CCDC88A: variants seen among roughly 807,000 people sequenced by gnomAD.
CCDC88A encodes the protein girdin.
A neutral mutation model predicts 234.3 loss-of-function variants in CCDC88A; 54 were observed. The ratio of observed to expected loss-of-function variants is 0.23; its 90% CI spans 0.19 to 0.29. The LOEUF is 0.29. Ranked by LOEUF, CCDC88A falls within the 10% of genes least tolerant of loss-of-function variation. CCDC88A has a pLI of 1.00. For synonymous variants in CCDC88A, 753 were observed against 737.8 expected, an observed-to-expected ratio of 1.02 and a Z score of -0.33; for missense variants, 1,832 against 2,123.4, an observed-to-expected ratio of 0.86 and a Z score of 2.70.
rs1252228793 is a variant in CCDC88A at position 55,419,357 on chromosome 2, G to A, written c.-278C>T. The A allele has an allele frequency of 4.8e-6, 2 of 414,894 alleles. No individual in the cohort carries two copies. Among genetic ancestry groups the A allele is most frequent in the South Asian group, 2.7e-5 (1 of 36,648 alleles). The allele number at this position is 414,894 out of a possible 1,614,324, so 25.7% of individuals were successfully genotyped here. On this transcript the variant is annotated 5_prime_UTR_variant, in exon 1 of 33. Transcript: ENST00000436346. ...AGGAGGGGCAGAGAAAAGGCATCTG[G>A]AGGAGGAGGAAGGGAAAGGGGGCTG...
intron 8 of CCDC88A, among the ~76,000 whole-genome samples, chr2:55,352,040 A>C (rs752278741): frequency 2.6e-5 from 4 of 152,190 alleles, no homozygotes; most frequent in Non-Finnish European, 5.9e-5. Flanking sequence ...TGGAAACAGA[A>C]AGCAGACTAG....
At chr2:55,407,649 A>G (rs1190626253) in intron 2 of CCDC88A, among the ~76,000 whole-genome samples, 1 of 151,838 alleles carries the variant, frequency 6.6e-6, no homozygotes, top group Non-Finnish European at 1.5e-5. Context: ...TGTTATAAAC[A>G]ATTACCTTTT....
intron 12 of CCDC88A, chr2:55,339,871 A>G (rs1668266356): frequency 2.6e-6 from 1 of 378,622 alleles, no homozygotes; most frequent in African/African-American, 2.1e-5. Flanking sequence ...TCTCTCTGTC[A>G]CCCAGGCTGG....
chr2:55,291,470 A>C (rs1679445566), intron 32 of CCDC88A: 1 of 348,204 alleles, frequency 2.9e-6, no homozygotes, highest in Non-Finnish European at 5.1e-6. Context: ...AAAAAACTTA[A>C]AAAAAAATAC....
intron 5 of CCDC88A, among the ~76,000 whole-genome samples, chr2:55,369,053 G>C (rs1574314208): frequency 6.6e-6 from 1 of 151,616 alleles, no homozygotes; most frequent in East Asian, 1.9e-4. Context: ...TCTTTTTTTT[G>C]AGATGGAGTC....
At chr2:55,413,345 A>G (rs1680816097) in intron 2 of CCDC88A, among the ~76,000 whole-genome samples, 1 of 152,204 alleles carries the variant, frequency 6.6e-6, no homozygotes. Flanking sequence ...TGGGTCAACA[A>G]AACAGAAAAT....
chr2:55,339,378 T>C, intron 13 of CCDC88A, 86 bp downstream of exon 13: 2 of 1,170,620 alleles, frequency 1.7e-6, no homozygotes, highest in Non-Finnish European at 2.3e-6. Flanking sequence ...TGAGCGTGCA[T>C]TTAAAAAGTG....
chr2:55,373,799 T>A (rs890750668), intron 4 of CCDC88A, among the ~76,000 whole-genome samples: 1 of 152,184 alleles, frequency 6.6e-6, no homozygotes, highest in Admixed American at 6.5e-5. Context: ...TCTATAAAAA[T>A]AGCTACTTGA....
chr2:55,395,744 T>A (rs1677420078), intron 2 of CCDC88A, among the ~76,000 whole-genome samples: 1 of 152,072 alleles, frequency 6.6e-6, no homozygotes, highest in African/African-American at 2.4e-5. Flanking sequence ...ACTAATAGAG[T>A]CCTAAACTAC....
At chr2:55,377,128 G>A (rs1003357286) in intron 3 of CCDC88A, among the ~76,000 whole-genome samples, 10 of 148,072 alleles carry the variant, frequency 6.8e-5, no homozygotes, top group Non-Finnish European at 1.3e-4. Context: ...CACCGTGCCC[G>A]GACACTTCAT....
intron 11 of CCDC88A, 148 bp downstream of exon 11, chr2:55,344,220 T>A: frequency 2.3e-6 from 1 of 443,314 alleles, no homozygotes; most frequent in Non-Finnish European, 3.9e-6. Flanking sequence ...TATATTTATA[T>A]AAAGTTGGAG....
chr2:55,342,434 A>T (rs1668621452), intron 12 of CCDC88A, among the ~76,000 whole-genome samples: 1 of 152,140 alleles, frequency 6.6e-6, no homozygotes, highest in Non-Finnish European at 1.5e-5. Flanking sequence ...GGGCCTCACA[A>T]ATATCAACAA....
chr2:55,315,878 T>C, intron 22 of CCDC88A, 50 bp downstream of exon 22: 1 of 970,950 alleles, frequency 1.0e-6, no homozygotes, highest in Non-Finnish European at 1.5e-6. Context: ...TTCTTAGGCA[T>C]GTCTTGGTGC....
intron 29 of CCDC88A, among the ~76,000 whole-genome samples, chr2:55,298,288 G>GA (rs5831350): frequency 3.5e-4 from 53 of 150,106 alleles, no homozygotes; most frequent in African/African-American, 1.0e-3. Context: ...TTTCAAATCA[G>GA]AAAAAAAAAA....
chr2:55,373,354 A>T (rs944680792), intron 4 of CCDC88A, among the ~76,000 whole-genome samples: 1 of 151,634 alleles, frequency 6.6e-6, no homozygotes, highest in African/African-American at 2.4e-5. Context: ...TCCTTCCCCA[A>T]CCTCCTCATC....
At chr2:55,313,357 C>T (rs559176582) in intron 22 of CCDC88A, 11 of 152,400 alleles carry the variant, frequency 7.2e-5, no homozygotes, top group East Asian at 3.9e-4. Flanking sequence ...CGTGAGCCAC[C>T]GCGCCTGGCA....
rs553743451 is a variant in CCDC88A at position 55,331,618 on chromosome 2, C to T, written c.2855+948G>A. On this transcript the variant is annotated intron_variant, in intron 16 of 32. Transcript: ENST00000436346. The stretch of plus-strand genomic sequence containing the variant: ...TAACAATATACAACTTCTATTCCAG[C>T]TGGATTCATGGAGCTGACTGGATGC... 2.2e-4 allele frequency among the ~76,000 whole-genome samples: 34 copies of T among 151,980 alleles called. No individual in the cohort carries two copies. In the South Asian group the frequency reaches 7.1e-3, roughly 32 times the overall value.
chr2:55,391,079 G>C (rs972403453), intron 2 of CCDC88A, among the ~76,000 whole-genome samples: 1 of 152,202 alleles, frequency 6.6e-6, no homozygotes, highest in Non-Finnish European at 1.5e-5. Flanking sequence ...ATACAAGAAA[G>C]CTGTAAGCTA....
At chr2:55,296,175 A>AAC in intron 30 of CCDC88A, 83 bp downstream of exon 30, 1 of 1,447,866 alleles carries the variant, frequency 6.9e-7, no homozygotes, top group Non-Finnish European at 9.2e-7. Context: ...TAACTTACCA[A>AAC]AAAAAAAAAG....
Sources: gnomAD v4.1 joint callset for allele counts (sites outside exome capture counted in the v4.1 genomes callset) on GRCh38, gnomAD v4.1.1 for gene constraint, MANE v1.5 for transcripts, NCBI Gene and HGNC (gene_info 2026-07-23, HGNC 2026-07-21) for gene names.